FBXO5: variants seen among roughly 807,000 people sequenced by gnomAD.
FBXO5 encodes F-box only protein 5.
In FBXO5, 8 loss-of-function variants were observed where a neutral mutation model predicts 43.3. The ratio of observed to expected loss-of-function variants is 0.18; its 90% CI spans 0.11 to 0.33. FBXO5 has a LOEUF of 0.33. FBXO5 is among the 10% of genes least tolerant of loss of function. The pLI is 1.00. For synonymous variants in FBXO5, 204 were observed against 193.7 expected, an observed-to-expected ratio of 1.05 and a Z score of -0.44; for missense variants, 491 against 535.7, an observed-to-expected ratio of 0.92 and a Z score of 0.82.
intron 1 of FBXO5, among the ~76,000 whole-genome samples, chr6:152,977,677 A>G (rs1166013391): frequency 6.6e-6 from 1 of 152,232 alleles, no homozygotes; most frequent in Non-Finnish European, 1.5e-5. Flanking sequence ...CAAATCAACT[A>G]AAGAATTAGG....
chr6:152,977,939 C>T (rs1225932954), intron 1 of FBXO5, among the ~76,000 whole-genome samples: 8 of 152,036 alleles, frequency 5.3e-5, no homozygotes, highest in African/African-American at 1.7e-4. Context: ...GATGCAAATC[C>T]TTTATATTTG....
Position 152,975,628 on chromosome 6 carries a change from A to G in FBXO5, c.104-7T>C. On this transcript the variant is annotated splice_polypyrimidine_tract_variant and splice_region_variant and intron_variant, in intron 1 of 4. Coordinates refer to ENST00000229758, the MANE Select transcript of FBXO5 (RefSeq NM_012177.5). ...GAACTTTCTTCTTTACAACCTATAA[A>G]AAGAACATAACATTTACATCTTAAT... 1.3e-6 allele frequency: 2 copies of G among 1,552,850 alleles called. No homozygotes were observed. The highest frequency in any genetic ancestry group is 1.7e-6 in the Non-Finnish European group (2 of 1,154,102).
At chr6:152,974,232 C>G (rs1312277276) in intron 2 of FBXO5, among the ~76,000 whole-genome samples, 2 of 151,790 alleles carry the variant, frequency 1.3e-5, no homozygotes, top group African/African-American at 4.8e-5. Flanking sequence ...TCACAAATCT[C>G]TATTTGTGGA....
intron 1 of FBXO5, among the ~76,000 whole-genome samples, chr6:152,977,380 T>G (rs117343490): frequency 2.0e-5 from 3 of 152,334 alleles, no homozygotes; most frequent in South Asian, 2.1e-4. Flanking sequence ...ATTTTTTACA[T>G]AGAGCAAAAC....
At chr6:152,972,796 G>A in intron 3 of FBXO5, 1 of 497,540 alleles carries the variant, frequency 2.0e-6, no homozygotes, top group Non-Finnish European at 3.6e-6. Flanking sequence ...TGACTAAATG[G>A]TCGACTCTAT....
chr6:152,973,047 G>A lies in FBXO5; in HGVS notation c.908C>T (p.Thr303Ile), dbSNP rs976579297. 4 of 1,612,368 alleles carry A rather than the reference G, an allele frequency of 2.5e-6. No homozygotes were observed. The highest frequency in any genetic ancestry group is 3.3e-5 in the Admixed American group (2 of 59,992). ...AAAACATCATCTGCAAACACTTACGGTAACTCTTTGTATTGCTTTACTGTA... is the reference window on the plus strand; with the variant it reads ...AAAACATCATCTGCAAACACTTACGATAACTCTTTGTATTGCTTTACTGTA... ...QLYSKAIQRV[T>I]ENNNKFSPHA... The change falls in exon 3 of 5, where the codon ACC becomes ATC. Residue 303 changes from threonine to isoleucine, a missense_variant and splice_region_variant. Coordinates refer to ENST00000229758, the MANE Select transcript of FBXO5 (RefSeq NM_012177.5).
At position 152,972,472 on chromosome 6, in the gene FBXO5, T is replaced by A; in HGVS notation, c.910-18A>T. The A allele has an allele frequency of 6.6e-7, 1 of 1,514,704 alleles. No homozygotes were observed. The highest frequency in any genetic ancestry group is 1.2e-5 in the South Asian group (1 of 80,408). The allele number at this position is 1,514,704 out of a possible 1,614,324, so 93.8% of individuals were successfully genotyped here. A position where few individuals can be genotyped will look rare whatever the true frequency, so the allele number is the denominator to read the frequency against. ...TTGTTTTCCTAATTTAAAAAAAAGT[T>A]TTAATAGAATTTAGAAATTATTTCC... is the stretch of plus-strand genomic sequence containing the variant. On this transcript the variant is annotated intron_variant, in intron 3 of 4. Transcript: ENST00000229758.
intron 1 of FBXO5, among the ~76,000 whole-genome samples, chr6:152,981,871 A>T (rs1397232274): frequency 6.6e-6 from 1 of 152,178 alleles, no homozygotes; most frequent in Non-Finnish European, 1.5e-5. Context: ...GGTAAAAATA[A>T]GTGCATATAG....
rs187424213 is a variant in FBXO5 at position 152,976,011 on chromosome 6, G to T, written c.104-390C>A. 2.2e-3 allele frequency among the ~76,000 whole-genome samples: 328 copies of T among 152,238 alleles called. 1 individual carries two copies. The highest frequency in any genetic ancestry group is 7.4e-3 in the African/African-American group (309 of 41,542). Reference sequence around the variant, plus strand: ...AATGTGATGTATCAAAAGAGTAGGCGCTATGGTCAAAGTTATCCTTAAAGT... The same window carrying T: ...AATGTGATGTATCAAAAGAGTAGGCTCTATGGTCAAAGTTATCCTTAAAGT... On this transcript the variant is annotated intron_variant, in intron 1 of 4. Coordinates refer to ENST00000229758, the MANE Select transcript of FBXO5 (RefSeq NM_012177.5).
chr6:152,983,244 C>T (rs938459698), upstream of FBXO5: 2 of 331,428 alleles, frequency 6.0e-6, no homozygotes, highest in Admixed American at 4.9e-5. Context: ...CGGCTCCCCA[C>T]GTCCGGAAAG....
Position 152,973,045 on chromosome 6 carries a change from C to T in FBXO5, c.909+1G>A. ...TAAAAACATCATCTGCAAACACTTA[C>T]GGTAACTCTTTGTATTGCTTTACTG... On this transcript the variant is annotated splice_donor_variant, in intron 3 of 4. Coordinates refer to ENST00000229758, the MANE Select transcript of FBXO5 (RefSeq NM_012177.5). LOFTEE classifies it high-confidence loss of function. 1 of 1,611,674 alleles carries T rather than the reference C, an allele frequency of 6.2e-7. No homozygotes were observed. Among genetic ancestry groups the T allele is most frequent in the Non-Finnish European group, 8.5e-7 (1 of 1,177,964 alleles).
In FBXO5 at chr6:152,978,234, A is replaced by G. The variant is rs1016823271; in HGVS notation, c.104-2613T>C. 2.0e-5 allele frequency among the ~76,000 whole-genome samples: 3 copies of G among 152,170 alleles called. No individual in the cohort carries two copies. The East Asian group carries it at 5.8e-4, about 29-fold the overall frequency. The stretch of plus-strand genomic sequence containing the variant: ...ATGTGTACGTTTCTTTTCTCATGTG[A>G]GCTGGCCCTTTTCCAGTCCTTAGTA... On this transcript the variant is annotated intron_variant, in intron 1 of 4. Transcript: ENST00000229758.
At chr6:152,981,208 C>T (rs1214095843) in intron 1 of FBXO5, among the ~76,000 whole-genome samples, 9 of 152,152 alleles carry the variant, frequency 5.9e-5, no homozygotes. Flanking sequence ...AAGACTCATA[C>T]ATGGCATTGT....
At chr6:152,978,192 A>G (rs1022944713) in intron 1 of FBXO5, among the ~76,000 whole-genome samples, 16 of 152,106 alleles carry the variant, frequency 1.1e-4, no homozygotes, top group African/African-American at 3.6e-4. Flanking sequence ...AGCGCACTTA[A>G]GGTACTAAAG....
chr6:152,971,377 G>A lies in FBXO5; in HGVS notation c.1130C>T (p.Ala377Val). 1 of 1,609,686 alleles carries A rather than the reference G, an allele frequency of 6.2e-7. No homozygotes were observed. The highest frequency in any genetic ancestry group is 1.1e-5 in the South Asian group (1 of 89,790). ...KTLKKNESLK[A>V]CIRCNSPAKY... Reference sequence around the variant, plus strand: ...TGCAGGTGAATTACAGCGAATACAGGCTTTGAGGCTTTCGTTCTTTTTCAA... The same window carrying A: ...TGCAGGTGAATTACAGCGAATACAGACTTTGAGGCTTTCGTTCTTTTTCAA... The change falls in exon 5 of 5, where the codon GCC becomes GTC. Residue 377 changes from alanine (A) to valine (V), a missense_variant. By Grantham distance (64) the Ala-to-Val change is moderately conservative (BLOSUM62 0). Coordinates refer to ENST00000229758, the MANE Select transcript of FBXO5 (RefSeq NM_012177.5).
In FBXO5 at chr6:152,973,117, T is replaced by C. The variant is rs751673872; in HGVS notation, c.838A>G (p.Thr280Ala). ...DLINVSKVST[T>A]WKKILEDDKG... ...TCATCTTCTAGGATCTTCTTCCAAGTTGTGCTCACTTTAGACACACTGGAA... is the reference window on the plus strand; with the variant it reads ...TCATCTTCTAGGATCTTCTTCCAAGCTGTGCTCACTTTAGACACACTGGAA... The change falls in exon 3 of 5, where the codon ACT becomes GCT. Residue 280 changes from threonine to alanine, a missense_variant. Transcript: ENST00000229758. 2 of 1,613,680 alleles carry C rather than the reference T, an allele frequency of 1.2e-6. No homozygotes were observed. The highest frequency in any genetic ancestry group is 3.3e-5 in the Admixed American group (2 of 60,002).
chr6:152,978,159 G>C (rs1461514572), intron 1 of FBXO5, among the ~76,000 whole-genome samples: 1 of 152,022 alleles, frequency 6.6e-6, no homozygotes, highest in African/African-American at 2.4e-5. Context: ...AAAAATGATA[G>C]AAAAGTCAGA....
intron 1 of FBXO5, among the ~76,000 whole-genome samples, chr6:152,979,355 T>C (rs1317447621): frequency 6.6e-6 from 1 of 152,206 alleles, no homozygotes; most frequent in Non-Finnish European, 1.5e-5. Flanking sequence ...TTGTAGCCTG[T>C]TCCACAATTA....
At chr6:152,983,287 G>C (rs142346696), upstream of FBXO5, 26 of 262,834 alleles carry the variant, frequency 9.9e-5, 2 homozygotes, top group African/African-American at 2.2e-4. Flanking sequence ...CTCCGAGCAC[G>C]GGGAGGCCGC....
Sources: gnomAD v4.1 joint callset for allele counts (sites outside exome capture counted in the v4.1 genomes callset) on GRCh38, gnomAD v4.1.1 for gene constraint, MANE v1.5 for transcripts, NCBI Gene and HGNC (gene_info 2026-07-23, HGNC 2026-07-21) for gene names.